LDLRAD3: variants seen among roughly 807,000 people sequenced by gnomAD.
The protein encoded by LDLRAD3 is low density lipoprotein receptor class A domain containing 3.
In LDLRAD3, 20 loss-of-function variants were observed where a neutral mutation model predicts 29.4. That is an observed-to-expected ratio of 0.68 (90% CI 0.48 to 0.99). The LOEUF (loss-of-function observed/expected upper bound fraction) is 0.99, where lower values mean the gene tolerates loss of function less well. LDLRAD3 is among the 50% of genes least tolerant of loss of function. LDLRAD3 has a pLI of 0.00. For missense variants in LDLRAD3, 420 were observed against 454.3 expected, an observed-to-expected ratio of 0.92 and a Z score of 0.69; for synonymous variants, 157 against 192.7, an observed-to-expected ratio of 0.81 and a Z score of 1.53.
chr11:36,065,849 A>C (rs573079548), intron 2 of LDLRAD3, among the ~76,000 whole-genome samples: 1 of 152,178 alleles, frequency 6.6e-6, no homozygotes, highest in African/African-American at 2.4e-5. Context: ...TATGTGGATC[A>C]TGTGGGGAGG....
chr11:35,952,046 C>G (rs1295291474), intron 1 of LDLRAD3, among the ~76,000 whole-genome samples: 1 of 152,340 alleles, frequency 6.6e-6, no homozygotes, highest in East Asian at 1.9e-4. Context: ...TGTGTACATA[C>G]TATAATTTAT....
chr11:36,102,789 A>G (rs2133278620), intron 4 of LDLRAD3, among the ~76,000 whole-genome samples: 1 of 152,184 alleles, frequency 6.6e-6, no homozygotes, highest in African/African-American at 2.4e-5. Context: ...TGTGGGAGGG[A>G]CACATCTGAG....
At chr11:35,986,789 A>G (rs1247176568) in intron 1 of LDLRAD3, among the ~76,000 whole-genome samples, 1 of 152,230 alleles carries the variant, frequency 6.6e-6, no homozygotes, top group Non-Finnish European at 1.5e-5. Context: ...GGGAAATGGG[A>G]GGACTGTCAG....
chr11:35,980,339 T>C (rs1340289935), intron 1 of LDLRAD3, among the ~76,000 whole-genome samples: 1 of 152,220 alleles, frequency 6.6e-6, no homozygotes, highest in Non-Finnish European at 1.5e-5. Context: ...ATGGGCGTTA[T>C]ACGGCTTATT....
At chr11:36,082,235 G>A (rs897670686) in intron 3 of LDLRAD3, among the ~76,000 whole-genome samples, 1 of 152,174 alleles carries the variant, frequency 6.6e-6, no homozygotes, top group Non-Finnish European at 1.5e-5. Flanking sequence ...TTGGCCAGGT[G>A]TGGTGGCTTG....
Position 36,227,372 on chromosome 11 carries a change from C to T in LDLRAD3, c.742C>T (p.Gln248Ter). Residue 248 changes from glutamine to a stop codon, truncating the protein, a stop_gained, in exon 5 of 6, where the codon CAG (glutamine) becomes TAG (stop). Coordinates refer to ENST00000315571, the MANE Select transcript of LDLRAD3 (RefSeq NM_174902.4). LOFTEE classifies it high-confidence loss of function. ...CCAGTATGTGGCCAGCCAGGCGGAGCAGAATGCGTCGGAAGTAGGCTCCCC... is the reference window on the plus strand; with the variant it reads ...CCAGTATGTGGCCAGCCAGGCGGAGTAGAATGCGTCGGAAGTAGGCTCCCC... The part of the protein sequence containing the change: ...GIQYVASQAE[Q>*]NASEVGSPPS... 1 of 1,612,860 alleles carries T rather than the reference C, an allele frequency of 6.2e-7. No homozygotes were observed. The highest frequency in any genetic ancestry group is 8.5e-7 in the Non-Finnish European group (1 of 1,179,450).
chr11:36,086,183 C>T (rs377390604), intron 3 of LDLRAD3, among the ~76,000 whole-genome samples: 11 of 152,240 alleles, frequency 7.2e-5, no homozygotes, highest in Non-Finnish European at 1.6e-4. Context: ...ATTGCTTACT[C>T]GAGCATTTAT....
chr11:36,188,828 C>T (rs1854895055), intron 4 of LDLRAD3, among the ~76,000 whole-genome samples: 1 of 152,124 alleles, frequency 6.6e-6, no homozygotes, highest in Non-Finnish European at 1.5e-5. Flanking sequence ...AGTCAGGTCC[C>T]AGAACACAGC....
Position 36,104,037 on chromosome 11 carries a change from G to A in LDLRAD3, c.454+5576G>A, listed in dbSNP as rs181376077. 1.1e-4 allele frequency among the ~76,000 whole-genome samples: 17 copies of A among 152,296 alleles called. 1 individual carries two copies. The highest frequency in any genetic ancestry group is 3.8e-4 in the African/African-American group (16 of 41,560). ...GTGACTCGCTTTTAACAAAGAAAAT[G>A]CAGCAAAAGTGGCGGCTGTCAGTCC... On this transcript the variant is annotated intron_variant, in intron 4 of 5. Transcript: ENST00000315571.
At chr11:35,956,746 A>T (rs1036335612) in intron 1 of LDLRAD3, among the ~76,000 whole-genome samples, 6 of 151,940 alleles carry the variant, frequency 3.9e-5, no homozygotes. Context: ...TATTTTATTT[A>T]TTTTTTTTGA....
In LDLRAD3 at chr11:36,036,198, C is replaced by T. The variant is rs1852302491; in HGVS notation, c.142C>T (p.Gln48Ter). 1.2e-6 allele frequency: 2 copies of T among 1,614,174 alleles called. No individual in the cohort carries two copies. Among genetic ancestry groups the T allele is most frequent in the Non-Finnish European group, 1.7e-6 (2 of 1,180,036 alleles). Residue 48 changes from glutamine to a stop codon, truncating the protein, a stop_gained, in exon 2 of 6, where the codon CAG becomes TAG. Transcript: ENST00000315571. LOFTEE classifies it high-confidence loss of function. ...SNGRCIPGAW[Q>*]CDGLPDCFDK... ...TGGACGGTGCATCCCGGGCGCCTGGCAGTGTGACGGGCTGCCTGACTGCTT... is the reference window on the plus strand; with the variant it reads ...TGGACGGTGCATCCCGGGCGCCTGGTAGTGTGACGGGCTGCCTGACTGCTT...
At chr11:36,122,641 A>C (rs1318858110) in intron 4 of LDLRAD3, among the ~76,000 whole-genome samples, 1 of 152,164 alleles carries the variant, frequency 6.6e-6, no homozygotes, top group African/African-American at 2.4e-5. Flanking sequence ...CTCCATCCCC[A>C]GCCCCTAGGA....
At chr11:36,178,501 C>G (rs772776202) in intron 4 of LDLRAD3, among the ~76,000 whole-genome samples, 1 of 152,244 alleles carries the variant, frequency 6.6e-6, no homozygotes, top group Non-Finnish European at 1.5e-5. Flanking sequence ...CTCTCCCACT[C>G]AAACCCCTTC....
intron 1 of LDLRAD3, among the ~76,000 whole-genome samples, chr11:35,952,442 A>T (rs958855264): frequency 2.0e-5 from 3 of 152,240 alleles, no homozygotes; most frequent in African/African-American, 7.2e-5. Flanking sequence ...ATTCTACTCA[A>T]ATGGCCTGTC....
At position 36,198,680 on chromosome 11, in the gene LDLRAD3, A is replaced by G. The variant is rs144286503; in HGVS notation, c.455-28405A>G. On this transcript the variant is annotated intron_variant, in intron 4 of 5. Coordinates refer to ENST00000315571, the MANE Select transcript of LDLRAD3 (RefSeq NM_174902.4). ...GGCACACACCTAGCTCTGGACTTCCATCTATTTGCAAGGCTACCTCCTGGC... is the reference window on the plus strand; with the variant it reads ...GGCACACACCTAGCTCTGGACTTCCGTCTATTTGCAAGGCTACCTCCTGGC... 3.9e-3 allele frequency among the ~76,000 whole-genome samples: 598 copies of G among 152,244 alleles called. 4 individuals are homozygous for G. The highest frequency in any genetic ancestry group is 0.01 in the South Asian group (50 of 4,816).
intron 1 of LDLRAD3, among the ~76,000 whole-genome samples, chr11:36,028,056 C>T (rs1203368350): frequency 2.0e-5 from 3 of 152,212 alleles, no homozygotes; most frequent in Non-Finnish European, 4.4e-5. Flanking sequence ...CAAGCGCTTG[C>T]AAAAGTTCTT....
At chr11:35,973,305 A>C (rs1851438602) in intron 1 of LDLRAD3, among the ~76,000 whole-genome samples, 1 of 151,914 alleles carries the variant, frequency 6.6e-6, no homozygotes, top group Non-Finnish European at 1.5e-5. Context: ...AAATTATTTC[A>C]CTCTAAGCTC....
Position 36,086,383 on chromosome 11 carries a change from G to T in LDLRAD3, c.319+4605G>T, listed in dbSNP as rs200757300. 4.1e-3 allele frequency among the ~76,000 whole-genome samples: 627 copies of T among 152,290 alleles called. 20 individuals are homozygous for T. The East Asian group carries it at 0.085, about 21-fold the overall frequency. On this transcript the variant is annotated intron_variant, in intron 3 of 5. Transcript: ENST00000315571. ...CTCTGGGTCTTATTTGAAGCCTAGC[G>T]GGAGTGCTTATATATGTGTTTTTGT...
At chr11:36,069,827 T>C (rs1266437079) in intron 2 of LDLRAD3, among the ~76,000 whole-genome samples, 1 of 152,204 alleles carries the variant, frequency 6.6e-6, no homozygotes, top group Non-Finnish European at 1.5e-5. Flanking sequence ...CCTAGGTGTC[T>C]TCTATGTATT....
Sources: allele counts gnomAD v4.1 joint callset (sites outside exome capture counted in the v4.1 genomes callset), GRCh38; gene constraint gnomAD v4.1.1; transcripts MANE v1.5; gene names NCBI Gene and HGNC (gene_info 2026-07-23, HGNC 2026-07-21).